Variants in NFXL1 observed in about 807,000 individuals in gnomAD.
NFXL1 encodes the protein nuclear transcription factor, X-box binding like 1.
NFXL1 carries 66 observed loss-of-function variants against 123.3 expected under a neutral mutation model. The ratio of observed to expected loss-of-function variants is 0.54; its 90% confidence interval spans 0.44 to 0.66. The LOEUF is 0.66. Ranked by LOEUF, NFXL1 falls within the 30% of genes least tolerant of loss-of-function variation. NFXL1 has a pLI of 0.00. For synonymous variants in NFXL1, 346 were observed against 360.8 expected (o/e 0.96, Z 0.46); for missense variants, 944 against 1,125.6 (o/e 0.84, Z 2.31).
chr4:47,905,668 T>C (rs966589581), intron 3 of NFXL1, among the ~76,000 whole-genome samples: 1 of 134,290 alleles, frequency 7.4e-6, no homozygotes, highest in Non-Finnish European at 1.5e-5. Context: ...TGTAAAGTCT[T>C]AAGGAAAAGC....
chr4:47,865,278 T>C (rs552301307), intron 18 of NFXL1, among the ~76,000 whole-genome samples: 2 of 152,286 alleles, frequency 1.3e-5, no homozygotes, highest in Admixed American at 6.5e-5. Context: ...ACTGAAGCGA[T>C]AGAATTCTAT....
intron 19 of NFXL1, among the ~76,000 whole-genome samples, chr4:47,859,588 A>T (rs1009098908): frequency 2.0e-5 from 3 of 152,174 alleles, no homozygotes; most frequent in Non-Finnish European, 4.4e-5. Context: ...CACGCCTGTA[A>T]TCCCAGCACT....
intron 19 of NFXL1, among the ~76,000 whole-genome samples, chr4:47,856,974 CACTTATTCTTACTCTCAAAAT>C (rs1734449297): frequency 6.6e-6 from 1 of 152,130 alleles, no homozygotes; most frequent in Non-Finnish European, 1.5e-5. Context: ...ATTAGCTCAC[CACTTATTCTTACTCTCAAAAT>C]ACGTCTCTAT....
At chr4:47,850,837 G>A (rs1734075004) in intron 22 of NFXL1, among the ~76,000 whole-genome samples, 1 of 151,986 alleles carries the variant, frequency 6.6e-6, no homozygotes, top group Non-Finnish European at 1.5e-5. Flanking sequence ...TCTGGCTGAA[G>A]TATGGATGAT....
intron 2 of NFXL1, among the ~76,000 whole-genome samples, chr4:47,913,689 C>T (rs60195275): frequency 0.016 from 2,361 of 152,268 alleles, 67 homozygotes; most frequent in African/African-American, 0.054. Context: ...AACACCGGGC[C>T]ACAATTTACA....
At chr4:47,856,080 C>T (rs1734395082) in intron 19 of NFXL1, among the ~76,000 whole-genome samples, 1 of 152,004 alleles carries the variant, frequency 6.6e-6, no homozygotes, top group South Asian at 2.1e-4. Context: ...TCATATATTT[C>T]TGTCTCTCCA....
intron 2 of NFXL1, among the ~76,000 whole-genome samples, chr4:47,912,889 T>C (rs2110112456): frequency 6.7e-6 from 1 of 148,372 alleles, no homozygotes; most frequent in South Asian, 2.2e-4. Flanking sequence ...GGCAGGCGCC[T>C]GTAGTCCCAG....
chr4:47,877,121 A>G, intron 17 of NFXL1: 1 of 659,208 alleles, frequency 1.5e-6, no homozygotes, highest in Non-Finnish European at 2.4e-6. Context: ...AAGATCAGGC[A>G]CAGTACTTTC....
chr4:47,879,169 A>T (rs750571570), intron 15 of NFXL1, 52 bp from the exon 16 acceptor site: 2 of 795,736 alleles, frequency 2.5e-6, no homozygotes, highest in Non-Finnish European at 3.9e-6. Flanking sequence ...ATTCAAAAAT[A>T]ATACCTAAAG....
At chr4:47,889,936 C>T (rs6811177) in intron 12 of NFXL1, among the ~76,000 whole-genome samples, 52,678 of 151,830 alleles carry the variant, frequency 0.35, 9,554 homozygotes, top group East Asian at 0.59. Flanking sequence ...TTAAGCTAGA[C>T]ATTAAAGACA....
At chr4:47,894,077 C>A in intron 11 of NFXL1, 103 bp downstream of exon 11, 1 of 750,518 alleles carries the variant, frequency 1.3e-6, no homozygotes, top group South Asian at 3.1e-5. Flanking sequence ...AAGCATATGC[C>A]TGAACATTTG....
At chr4:47,910,123 AT>A (rs1303684837) in intron 3 of NFXL1, among the ~76,000 whole-genome samples, 3 of 152,198 alleles carry the variant, frequency 2.0e-5, no homozygotes, top group Non-Finnish European at 2.9e-5. Context: ...TTTAAGAGCA[AT>A]CAGATATAAA....
At chr4:47,911,822 G>A (rs1421042341) in intron 2 of NFXL1, among the ~76,000 whole-genome samples, 1 of 152,112 alleles carries the variant, frequency 6.6e-6, no homozygotes, top group East Asian at 1.9e-4. Flanking sequence ...AGGACCACAG[G>A]GATTTTCTTC....
chr4:47,856,226 T>C (rs984680742), intron 19 of NFXL1, among the ~76,000 whole-genome samples: 1 of 152,116 alleles, frequency 6.6e-6, no homozygotes, highest in Non-Finnish European at 1.5e-5. Flanking sequence ...GTTTCACATG[T>C]AAAATTTCAC....
chr4:47,899,603 G>C, intron 5 of NFXL1, 55 bp from the exon 6 acceptor site: 1 of 1,129,560 alleles, frequency 8.9e-7, no homozygotes, highest in South Asian at 1.3e-5. Context: ...AGCAACATGA[G>C]AGACAGAAAT....
chr4:47,887,075 G>A (rs1736479497), intron 12 of NFXL1, among the ~76,000 whole-genome samples: 1 of 152,022 alleles, frequency 6.6e-6, no homozygotes, highest in African/African-American at 2.4e-5. Context: ...ACGCTCTTTT[G>A]TTATGGGTTG....
At position 47,914,013 on chromosome 4, in the gene NFXL1, T is replaced by A. The variant is rs897151141; in HGVS notation, c.191A>T (p.His64Leu). Residue 64 changes from histidine to leucine, a missense_variant, in exon 2 of 23, where the codon CAC (histidine) becomes CTC (leucine). His to Leu is a moderately conservative substitution (Grantham distance 99). Around this residue, in one of 4 missense-constraint regions of NFXL1, gnomAD observed 303 missense variants for 292.1 expected, o/e 1.04. Transcript: ENST00000507489. ...VATTAAAGSRHSPAGSQALQT... is the reference protein window; with the variant it reads ...VATTAAAGSRLSPAGSQALQT... ...CAGGGCTTGGGATCCTGCGGGGCTG[T>A]GCCTGCTCCCTGCAGCCGCCGTGGT... The A allele has an allele frequency of 7.1e-6, 11 of 1,548,476 alleles. No individual in the cohort carries two copies. The highest frequency in any genetic ancestry group is 9.6e-6 in the Non-Finnish European group (11 of 1,146,878).
chr4:47,851,625 C>G (rs186245416), intron 21 of NFXL1, among the ~76,000 whole-genome samples: 1 of 151,996 alleles, frequency 6.6e-6, no homozygotes, highest in East Asian at 1.9e-4. Context: ...AGAGATAACC[C>G]AAGCAGCAAA....
rs566270320 is a variant in NFXL1, at chr4:47,855,566, G to A, written c.2317-403C>T. Among the ~76,000 whole-genome samples, 112 of 151,898 alleles carry A rather than the reference G, an allele frequency of 7.4e-4. 1 individual carries two copies. The highest frequency in any genetic ancestry group is 1.4e-3 in the Non-Finnish European group (93 of 67,944). ...TCCTGGATATGATGAAAGCTGGAGCGGTAATGGAAACCATATGCCAAAGAG... is the reference window on the plus strand; with the variant it reads ...TCCTGGATATGATGAAAGCTGGAGCAGTAATGGAAACCATATGCCAAAGAG... On this transcript the variant is annotated intron_variant, in intron 19 of 22. Coordinates refer to ENST00000507489, the MANE Select transcript of NFXL1 (RefSeq NM_001278624.2).
Sources: gnomAD v4.1 joint callset for allele counts (sites outside exome capture counted in the v4.1 genomes callset) on GRCh38, gnomAD v4.1.1 for gene constraint, gnomAD v4.1.1 regional missense constraint, MANE v1.5 for transcripts, NCBI Gene and HGNC (gene_info 2026-07-23, HGNC 2026-07-21) for gene names.